The following CDK5RAP2 variants were observed in gnomAD, a reference collection of about 807,000 sequenced individuals.
CDK5RAP2 encodes CDK5 regulatory subunit-associated protein 2.
Under a neutral mutation model 232.9 loss-of-function variants are expected in CDK5RAP2, and 147 were observed. That is an observed-to-expected ratio of 0.63 (90% CI 0.55 to 0.72). The LOEUF is 0.72. CDK5RAP2 is among the 30% of genes least tolerant of loss of function. The pLI, the probability that CDK5RAP2 is intolerant of heterozygous loss-of-function variation, is 0.00. For missense variants in CDK5RAP2, 2,195 were observed against 2,231.5 expected, an observed-to-expected ratio of 0.98 and a Z score of 0.33; for synonymous variants, 833 against 833.7, an observed-to-expected ratio of 1.00 and a Z score of 0.01.
chr9:120,564,230 G>A (rs2042562779), intron 3 of CDK5RAP2, among the ~76,000 whole-genome samples: 1 of 152,164 alleles, frequency 6.6e-6, no homozygotes, highest in Non-Finnish European at 1.5e-5. Context: ...CACTTTGGGA[G>A]GCCAAGGCAG....
At chr9:120,394,973 G>A (rs1395075283) in intron 35 of CDK5RAP2, among the ~76,000 whole-genome samples, 1 of 152,150 alleles carries the variant, frequency 6.6e-6, no homozygotes, top group Non-Finnish European at 1.5e-5. Context: ...AATAACATAA[G>A]CACAAGAAGA....
chr9:120,478,670 A>G (rs1016993804), intron 14 of CDK5RAP2, among the ~76,000 whole-genome samples: 3 of 152,156 alleles, frequency 2.0e-5, no homozygotes, highest in African/African-American at 7.2e-5. Context: ...AGTCCCAGCT[A>G]TTTGGGAGGC....
intron 7 of CDK5RAP2, chr9:120,532,621 C>T (rs1478236646): frequency 1.3e-5 from 2 of 152,546 alleles, no homozygotes; most frequent in African/African-American, 4.8e-5. Context: ...ACACGCTGAT[C>T]CTACACACCC....
intron 5 of CDK5RAP2, among the ~76,000 whole-genome samples, chr9:120,540,979 C>T (rs1461894300): frequency 6.6e-6 from 1 of 152,232 alleles, no homozygotes; most frequent in African/African-American, 2.4e-5. Context: ...CCCCCACTCC[C>T]GGGGCTCATT....
At chr9:120,408,151 G>A (rs574434333) in intron 31 of CDK5RAP2, 196 bp downstream of exon 31, 1 of 690,734 alleles carries the variant, frequency 1.4e-6, no homozygotes, top group South Asian at 1.6e-5. Flanking sequence ...TGGGTGCTGA[G>A]CCTCAGTCCT....
intron 20 of CDK5RAP2, among the ~76,000 whole-genome samples, chr9:120,454,723 C>G (rs2036659855): frequency 6.6e-6 from 1 of 152,188 alleles, no homozygotes; most frequent in East Asian, 1.9e-4. Flanking sequence ...GTTTCCATTT[C>G]TGGGGAAACT....
chr9:120,466,425 C>T (rs984372235), intron 18 of CDK5RAP2, among the ~76,000 whole-genome samples: 2 of 152,122 alleles, frequency 1.3e-5, no homozygotes, highest in Non-Finnish European at 2.9e-5. Flanking sequence ...TCATGGGGAA[C>T]ATCAAATCAA....
At chr9:120,500,490 G>C (rs1419836502) in intron 12 of CDK5RAP2, among the ~76,000 whole-genome samples, 2 of 152,132 alleles carry the variant, frequency 1.3e-5, no homozygotes, top group Non-Finnish European at 2.9e-5. Flanking sequence ...TTAAATGTTT[G>C]CTAATTTAAT....
intron 7 of CDK5RAP2, 45 bp downstream of exon 7, chr9:120,536,327 G>C (rs770991333): frequency 6.3e-7 from 1 of 1,599,462 alleles, no homozygotes; most frequent in Admixed American, 1.7e-5. Flanking sequence ...TCCCCACGCT[G>C]CCAGATAATG....
At chr9:120,487,767 T>C (rs1428661570) in intron 13 of CDK5RAP2, among the ~76,000 whole-genome samples, 8 of 152,166 alleles carry the variant, frequency 5.3e-5, no homozygotes, top group African/African-American at 1.9e-4. Context: ...ACAGACCTGG[T>C]TCCAAACCTA....
rs138157153 is a variant in CDK5RAP2 at position 120,419,790 on chromosome 9, T to C, written c.4175A>G (p.Gln1392Arg). The C allele has an allele frequency of 8.3e-5, 134 of 1,612,638 alleles. 1 individual carries two copies. In the African/African-American group the frequency reaches 1.6e-3, roughly 19 times the overall value. ...ACACTTAATGAGGCTTAGCTTACCT[T>C]GAGAAAAACTGTTCACCATAACTGA... ...KTSVMVNSFS[Q>R]DLLMEHIQEI... Residue 1392 changes from glutamine (Q) to arginine (R), a missense_variant and splice_region_variant, in exon 27 of 38, where the codon CAA becomes CGA. Gln to Arg is a conservative substitution (Grantham distance 43). Coordinates refer to ENST00000349780, the MANE Select transcript of CDK5RAP2 (RefSeq NM_018249.6).
intron 35 of CDK5RAP2, among the ~76,000 whole-genome samples, chr9:120,398,277 ATC>A (rs1185148795): frequency 6.6e-6 from 1 of 152,208 alleles, no homozygotes. Context: ...TTGATTTCTT[ATC>A]TCTTTTTCCT....
rs2035783315 is a variant in CDK5RAP2 at position 120,439,643 on chromosome 9, G to C, written c.3478C>G (p.Pro1160Ala). Reference protein sequence around the residue: ...TEGAQDGLSKPKNGSDGEEMT... With the variant: ...TEGAQDGLSKAKNGSDGEEMT... ...TCTTCCCCATCAGAACCATTCTTGG[G>C]CTTGCTCAAGCCATCCTGGGCCCCT... The change falls in exon 24 of 38, where the codon CCC (proline) becomes GCC (alanine). Residue 1160 changes from proline to alanine, a missense_variant. Coordinates refer to ENST00000349780, the MANE Select transcript of CDK5RAP2 (RefSeq NM_018249.6). 1 of 1,614,060 alleles carries C rather than the reference G, an allele frequency of 6.2e-7. No homozygotes were observed. The highest frequency in any genetic ancestry group is 8.5e-7 in the Non-Finnish European group (1 of 1,180,040).
chr9:120,553,027 T>G (rs1260820749), intron 3 of CDK5RAP2, among the ~76,000 whole-genome samples: 1 of 152,080 alleles, frequency 6.6e-6, no homozygotes, highest in South Asian at 2.1e-4. Flanking sequence ...CAATAAAAAG[T>G]TGGGGGAAAA....
intron 11 of CDK5RAP2, among the ~76,000 whole-genome samples, chr9:120,521,851 T>G (rs2040680621): frequency 6.6e-6 from 1 of 152,084 alleles, no homozygotes; most frequent in Non-Finnish European, 1.5e-5. Context: ...TTCGCCATGT[T>G]AGCCAGAATG....
At position 120,403,676 on chromosome 9, in the gene CDK5RAP2, G is replaced by GA. The variant is rs1186076612; in HGVS notation, c.5041+359dup. On this transcript the variant is annotated intron_variant, in intron 33 of 37. Coordinates refer to ENST00000349780, the MANE Select transcript of CDK5RAP2 (RefSeq NM_018249.6). The surrounding 1 kb of genome is among the most constrained non-coding windows in gnomAD (Gnocchi z 4.2). ...GGGGGTCTAAAAGTCACAGTGAGAG[G>GA]AAAGTGTGGGCCTGTCTGCAGGATG... 1 of 356,984 alleles carries GA rather than the reference G, an allele frequency of 2.8e-6. No individual in the cohort carries two copies. Among genetic ancestry groups the GA allele is most frequent in the Non-Finnish European group, 5.3e-6 (1 of 188,548 alleles). The allele number at this position is 356,984 out of a possible 1,614,324, so 22.1% of individuals were successfully genotyped here.
intron 21 of CDK5RAP2, among the ~76,000 whole-genome samples, chr9:120,448,362 C>A (rs538289900): frequency 6.6e-6 from 1 of 152,322 alleles, no homozygotes; most frequent in South Asian, 2.1e-4. Flanking sequence ...CCTGGCCTAT[C>A]GTCTCTCTGG....
intron 3 of CDK5RAP2, among the ~76,000 whole-genome samples, chr9:120,565,536 G>C (rs2042616921): frequency 6.6e-6 from 1 of 152,146 alleles, no homozygotes; most frequent in Non-Finnish European, 1.5e-5. Context: ...ACCTGCAGGA[G>C]CTGGCCCCTG....
intron 14 of CDK5RAP2, among the ~76,000 whole-genome samples, chr9:120,486,050 G>T (rs906161889): frequency 6.6e-6 from 1 of 152,208 alleles, no homozygotes; most frequent in South Asian, 2.1e-4. Flanking sequence ...GCTAGCATTG[G>T]TTGCTAATAT....
Sources: gnomAD v4.1 joint callset for allele counts (sites outside exome capture counted in the v4.1 genomes callset) on GRCh38, gnomAD v4.1.1 for gene constraint, Gnocchi (gnomAD v3.1) non-coding constraint, MANE v1.5 for transcripts, NCBI Gene and HGNC (gene_info 2026-07-23, HGNC 2026-07-21) for gene names.